The following SGMS1 variants were observed in gnomAD, a reference collection of about 807,000 sequenced individuals.
SGMS1 encodes the protein phosphatidylcholine:ceramide cholinephosphotransferase 1.
Under a neutral mutation model 46.2 loss-of-function variants are expected in SGMS1, and 13 were observed. The ratio of observed to expected loss-of-function variants is 0.28; its 90% CI spans 0.18 to 0.45. SGMS1 has a LOEUF of 0.45. Among genes scored for constraint, SGMS1 ranks in the 20% least tolerant of loss-of-function variants. The pLI is 1.00. For missense variants in SGMS1, 324 were observed against 519.9 expected, an observed-to-expected ratio of 0.62 and a Z score of 3.66; for synonymous variants, 203 against 187.8, an observed-to-expected ratio of 1.08 and a Z score of -0.66.
intron 6 of SGMS1, among the ~76,000 whole-genome samples, chr10:50,362,263 G>A (rs1848262331): frequency 6.6e-6 from 1 of 152,146 alleles, no homozygotes; most frequent in African/African-American, 2.4e-5. Context: ...TTTCTCATGT[G>A]TCAAAAGAAG....
intron 2 of SGMS1, among the ~76,000 whole-genome samples, chr10:50,539,258 T>C (rs1838031459): frequency 6.6e-6 from 1 of 152,250 alleles, no homozygotes; most frequent in African/African-American, 2.4e-5. Context: ...CAAAGGGCCA[T>C]TGTTCCCGGA....
At chr10:50,314,740 T>A (rs1356472105) in intron 8 of SGMS1, among the ~76,000 whole-genome samples, 1 of 151,790 alleles carries the variant, frequency 6.6e-6, no homozygotes, top group Non-Finnish European at 1.5e-5. Flanking sequence ...CTGGGCAACA[T>A]GGCGAGACTG....
chr10:50,419,014 T>C, intron 6 of SGMS1, among the ~76,000 whole-genome samples: 1 of 152,338 alleles, frequency 6.6e-6, no homozygotes, highest in Non-Finnish European at 1.5e-5. Context: ...TTAAAATTGT[T>C]ATATTTTATT....
At chr10:50,602,801 T>C (rs1255518718) in intron 1 of SGMS1, among the ~76,000 whole-genome samples, 2 of 152,200 alleles carry the variant, frequency 1.3e-5, no homozygotes, top group African/African-American at 4.8e-5. Flanking sequence ...AAATTTGTAA[T>C]GAGAAGAAAA....
chr10:50,419,091 G>GA (rs1287818471), intron 6 of SGMS1, among the ~76,000 whole-genome samples: 1 of 151,982 alleles, frequency 6.6e-6, no homozygotes, highest in African/African-American at 2.4e-5. Flanking sequence ...GTATGTATAG[G>GA]AAAAATCATA....
chr10:50,389,962 T>C (rs1184518948), intron 6 of SGMS1, among the ~76,000 whole-genome samples: 1 of 152,270 alleles, frequency 6.6e-6, no homozygotes, highest in Non-Finnish European at 1.5e-5. Context: ...ACCAATGACT[T>C]TGAATACTTT....
chr10:50,538,490 CA>C (rs1429952844), intron 2 of SGMS1, among the ~76,000 whole-genome samples: 1 of 149,622 alleles, frequency 6.7e-6, no homozygotes, highest in South Asian at 2.1e-4. Flanking sequence ...GATAGCTTAT[CA>C]GGGGTGCCTT....
chr10:50,528,030 TA>T (rs1264205109), intron 2 of SGMS1, among the ~76,000 whole-genome samples: 2 of 152,268 alleles, frequency 1.3e-5, no homozygotes, highest in Middle Eastern at 3.4e-3. Context: ...AATAAAATAA[TA>T]AAAATACTAA....
At chr10:50,554,803 T>C (rs750613280) in intron 2 of SGMS1, among the ~76,000 whole-genome samples, 2 of 152,256 alleles carry the variant, frequency 1.3e-5, no homozygotes, top group Non-Finnish European at 2.9e-5. Flanking sequence ...CATCACTATG[T>C]ATTCTTTTTC....
Position 50,623,768 on chromosome 10 carries a change from AT to A in SGMS1, c.-746del. 1 of 985,436 alleles carries A rather than the reference AT, an allele frequency of 1.0e-6. No homozygotes were observed. The highest frequency in any genetic ancestry group is 1.2e-6 in the Non-Finnish European group (1 of 829,976). 61.0% of individuals were successfully genotyped at this position (985,436 alleles called of 1,614,324 possible). On this transcript the variant is annotated 5_prime_UTR_variant, in exon 1 of 11. Transcript: ENST00000361781. ...CGCGGAGCCCCCGCCGCGGAATGAA[AT>A]CCGGGGCAGGGCAGCGTCGGGGCTC...
rs115033688 is a variant in SGMS1 at position 50,381,325 on chromosome 10, C to G, written c.-231-36980G>C. On this transcript the variant is annotated intron_variant, in intron 6 of 10. Coordinates refer to ENST00000361781, the MANE Select transcript of SGMS1 (RefSeq NM_147156.4). ...ATCCGTAACATTCTGGAAAAATGAT[C>G]TGAGGTGCAAGCAAAAGCACTGTAA... 4.9e-3 allele frequency among the ~76,000 whole-genome samples: 737 copies of G among 151,442 alleles called. 7 individuals carry two copies. The highest frequency in any genetic ancestry group is 0.016 in the African/African-American group (651 of 41,282).
At chr10:50,384,270 T>TA (rs1848649369) in intron 6 of SGMS1, among the ~76,000 whole-genome samples, 1 of 152,270 alleles carries the variant, frequency 6.6e-6, no homozygotes, top group East Asian at 2.0e-4. Flanking sequence ...TGATCTTGAG[T>TA]AAGTTATCTA....
intron 8 of SGMS1, among the ~76,000 whole-genome samples, chr10:50,319,092 C>A (rs1002488936): frequency 6.9e-6 from 1 of 144,250 alleles, no homozygotes. Flanking sequence ...TTCCCTTTAA[C>A]AAAATCACAT....
chr10:50,393,429 C>T (rs1848804469), intron 6 of SGMS1, among the ~76,000 whole-genome samples: 1 of 152,160 alleles, frequency 6.6e-6, no homozygotes, highest in African/African-American at 2.4e-5. Context: ...CAAAGAAGCA[C>T]AAATCACTGC....
chr10:50,474,391 T>C (rs1031615768), intron 3 of SGMS1: 1 of 152,222 alleles, frequency 6.6e-6, no homozygotes, highest in Non-Finnish European at 1.5e-5. Flanking sequence ...ACCTATAAGG[T>C]GAGGTCTGTT....
intron 2 of SGMS1, among the ~76,000 whole-genome samples, chr10:50,537,222 C>T (rs1045021020): frequency 6.6e-6 from 1 of 152,126 alleles, no homozygotes; most frequent in Non-Finnish European, 1.5e-5. Context: ...GTTTTTTCCA[C>T]ACAGTAGCTT....
chr10:50,317,361 AGT>A (rs1847356632), intron 8 of SGMS1, among the ~76,000 whole-genome samples: 1 of 152,222 alleles, frequency 6.6e-6, no homozygotes, highest in African/African-American at 2.4e-5. Context: ...ACATTTTAGC[AGT>A]GTTTTCCCAT....
chr10:50,371,192 G>GT (rs1848430667), intron 6 of SGMS1, among the ~76,000 whole-genome samples: 2 of 152,284 alleles, frequency 1.3e-5, no homozygotes, highest in African/African-American at 2.4e-5. Flanking sequence ...GGCTATATAG[G>GT]TTTTTTCATC....
chr10:50,434,886 A>AG (rs1169372759), intron 5 of SGMS1, among the ~76,000 whole-genome samples: 1 of 150,726 alleles, frequency 6.6e-6, no homozygotes, highest in Non-Finnish European at 1.5e-5. Flanking sequence ...TCCGTCTCAA[A>AG]AAAAAAAAAA....
Sources: allele counts gnomAD v4.1 joint callset (sites outside exome capture counted in the v4.1 genomes callset), GRCh38; gene constraint gnomAD v4.1.1; transcripts MANE v1.5; gene names NCBI Gene and HGNC (gene_info 2026-07-23, HGNC 2026-07-21).